The following CDH18 variants were observed in gnomAD, a reference collection of about 807,000 sequenced individuals.
CDH18 encodes the protein cadherin 18.
A neutral mutation model predicts 67.9 loss-of-function variants in CDH18; 31 were observed. The ratio of observed to expected loss-of-function variants is 0.46; its 90% CI spans 0.34 to 0.62. The LOEUF (loss-of-function observed/expected upper bound fraction) is 0.62. Among genes scored for constraint, CDH18 ranks in the 20% least tolerant of loss-of-function variants. CDH18 has a pLI of 0.01. For missense variants in CDH18, 890 were observed against 975.5 expected, an observed-to-expected ratio of 0.91 and a Z score of 1.17; for synonymous variants, 362 against 347.2, an observed-to-expected ratio of 1.04 and a Z score of -0.48.
At chr5:19,719,447 A>T (rs1765730670) in intron 5 of CDH18, among the ~76,000 whole-genome samples, 1 of 151,972 alleles carries the variant, frequency 6.6e-6, no homozygotes, top group Non-Finnish European at 1.5e-5. Context: ...TTTATATTTG[A>T]AGCAAATATT....
chr5:19,664,038 T>C (rs1409344597), intron 5 of CDH18, among the ~76,000 whole-genome samples: 3 of 151,900 alleles, frequency 2.0e-5, no homozygotes, highest in Non-Finnish European at 2.9e-5. Context: ...CAAAAATGTC[T>C]ATAAACTGCA....
intron 2 of CDH18, among the ~76,000 whole-genome samples, chr5:19,962,711 G>A (rs1041763282): frequency 2.0e-5 from 3 of 152,018 alleles, no homozygotes; most frequent in Non-Finnish European, 2.9e-5. Flanking sequence ...GGGAGGCGGA[G>A]GTTGCAGTGA....
intron 1 of CDH18, among the ~76,000 whole-genome samples, chr5:20,449,633 CATATGTACAT>C (rs1407872936): frequency 6.6e-6 from 1 of 151,874 alleles, no homozygotes; most frequent in Non-Finnish European, 1.5e-5. Context: ...AGAATGTCTA[CATATGTACAT>C]GTATGTACAC....
In CDH18 at chr5:20,334,729, ATCTCTC is replaced by A. The variant is rs766458176; in HGVS notation, c.-579-79230_-579-79225del. Among the ~76,000 whole-genome samples, 20 of 129,798 alleles carry A rather than the reference ATCTCTC, an allele frequency of 1.5e-4. No individual in the cohort carries two copies. In the East Asian group the frequency reaches 5.1e-3, roughly 33 times the overall value. 85.2% of individuals were successfully genotyped at this position (129,798 alleles called of 152,430 possible). A position where few individuals can be genotyped will look rare whatever the true frequency, so the allele number is the denominator to read the frequency against. On this transcript the variant is annotated intron_variant, in intron 1 of 14. Transcript: ENST00000507958. ...TCCCAACACATATATGAGTGCTATG[ATCTCTC>A]TCTCTCTCTCTCTCTCATACACACA...
chr5:19,965,730 GAAGAGAGAGGCAGGTAGA>G (rs1355962949), intron 2 of CDH18, among the ~76,000 whole-genome samples: 1 of 152,038 alleles, frequency 6.6e-6, no homozygotes, highest in Admixed American at 6.6e-5. Context: ...GAGGAAGGAG[GAAGAGAGAGGCAGGTAGA>G]AAGAGAGAGG....
intron 1 of CDH18, among the ~76,000 whole-genome samples, chr5:20,358,929 T>C (rs933639824): frequency 2.2e-5 from 3 of 138,630 alleles, no homozygotes; most frequent in African/African-American, 3.0e-5. Flanking sequence ...GCCTTTTTTC[T>C]TTCTTTTTTT....
intron 1 of CDH18, among the ~76,000 whole-genome samples, chr5:20,442,429 G>A (rs1167868593): frequency 6.6e-6 from 1 of 151,830 alleles, no homozygotes; most frequent in Non-Finnish European, 1.5e-5. Context: ...TTCTTGGATG[G>A]AAGATGCTGG....
chr5:19,757,971 C>A (rs1581218171), intron 3 of CDH18, among the ~76,000 whole-genome samples: 1 of 152,158 alleles, frequency 6.6e-6, no homozygotes, highest in East Asian at 1.9e-4. Flanking sequence ...GCAGAACCAT[C>A]TGTGAACCAG....
intron 2 of CDH18, among the ~76,000 whole-genome samples, chr5:20,174,847 A>C (rs1737107695): frequency 6.6e-6 from 1 of 152,166 alleles, no homozygotes; most frequent in Admixed American, 6.6e-5. Flanking sequence ...GACGGTTTTC[A>C]TATTTTTATT....
intron 2 of CDH18, among the ~76,000 whole-genome samples, chr5:20,158,497 C>T (rs1023333887): frequency 1.3e-5 from 2 of 152,078 alleles, no homozygotes; most frequent in African/African-American, 2.4e-5. Flanking sequence ...TAGCTTATTA[C>T]ATTAATTTAA....
chr5:19,910,404 C>G (rs1323184853), intron 2 of CDH18, among the ~76,000 whole-genome samples: 1 of 152,066 alleles, frequency 6.6e-6, no homozygotes, highest in Non-Finnish European at 1.5e-5. Flanking sequence ...CCATTAAGCT[C>G]TGTATTATGA....
intron 2 of CDH18, among the ~76,000 whole-genome samples, chr5:19,852,617 G>T (rs1331123293): frequency 6.6e-6 from 1 of 151,936 alleles, no homozygotes; most frequent in East Asian, 1.9e-4. Context: ...TCATTATCTG[G>T]ATAGTATAAG....
intron 1 of CDH18, among the ~76,000 whole-genome samples, chr5:20,532,505 A>G (rs1056027516): frequency 1.3e-5 from 2 of 152,026 alleles, no homozygotes; most frequent in African/African-American, 4.8e-5. Flanking sequence ...AAACTCCTCA[A>G]CCTCACATGA....
Position 19,593,741 on chromosome 5 carries a change from C to G in CDH18, c.812-2497G>C, listed in dbSNP as rs201761927. Among the ~76,000 whole-genome samples, 30 of 141,424 alleles carry G rather than the reference C, an allele frequency of 2.1e-4. No individual in the cohort carries two copies. In the East Asian group the frequency reaches 4.1e-3, roughly 19 times the overall value. The allele number at this position is 141,424 out of a possible 152,430, so 92.8% of individuals were successfully genotyped here. ...TCTTCTTCTTCTTCTTCTTCTTCTTCTTCTTCTTCTTCTTCTTCTTTCCTT... is the reference window on the plus strand; with the variant it reads ...TCTTCTTCTTCTTCTTCTTCTTCTTGTTCTTCTTCTTCTTCTTCTTTCCTT... On this transcript the variant is annotated intron_variant, in intron 6 of 12. Transcript: ENST00000382275.
chr5:19,877,486 G>A (rs569903830), intron 2 of CDH18, among the ~76,000 whole-genome samples: 1 of 152,244 alleles, frequency 6.6e-6, no homozygotes, highest in South Asian at 2.1e-4. Flanking sequence ...TAGATGAAAA[G>A]GGGCTAGTTA....
intron 1 of CDH18, among the ~76,000 whole-genome samples, chr5:20,362,757 T>G (rs574731795): frequency 6.6e-6 from 1 of 152,172 alleles, no homozygotes; most frequent in Non-Finnish European, 1.5e-5. Context: ...CAACTTCATA[T>G]TGAGTATTCT....
rs201231536 is a variant in CDH18, at chr5:19,660,924, TGTG to T, written c.644-48326_644-48324del. On this transcript the variant is annotated intron_variant, in intron 5 of 12. Coordinates refer to ENST00000382275, the MANE Select transcript of CDH18 (RefSeq NM_004934.5). ...TGGGATTGTTTCAAGCCTGAAAGTGTGTGGTAATTTGTTAAGCAACAATAGAAA... is the reference window on the plus strand; with the variant it reads ...TGGGATTGTTTCAAGCCTGAAAGTGTGTAATTTGTTAAGCAACAATAGAAA... Among the ~76,000 whole-genome samples, 358 of 151,876 alleles carry T rather than the reference TGTG, an allele frequency of 2.4e-3. 1 individual carries two copies. The highest frequency in any genetic ancestry group is 8.2e-3 in the African/African-American group (340 of 41,424).
intron 3 of CDH18, among the ~76,000 whole-genome samples, chr5:19,811,146 G>GAA (rs1277647781): frequency 6.1e-5 from 4 of 66,022 alleles, no homozygotes; most frequent in Non-Finnish European, 9.3e-5. Flanking sequence ...AAGAAAGAAA[G>GAA]AAAGAAAGAA....
At chr5:19,779,380 G>A (rs1020294415) in intron 3 of CDH18, among the ~76,000 whole-genome samples, 1 of 152,084 alleles carries the variant, frequency 6.6e-6, no homozygotes, top group Non-Finnish European at 1.5e-5. Flanking sequence ...AATTGAGTTA[G>A]TTTATTGTTT....
Sources: allele counts gnomAD v4.1 joint callset (sites outside exome capture counted in the v4.1 genomes callset), GRCh38; gene constraint gnomAD v4.1.1; transcripts MANE v1.5; gene names NCBI Gene and HGNC (gene_info 2026-07-23, HGNC 2026-07-21).